Variants in PTPN5 observed in about 807,000 individuals in gnomAD.
PTPN5 encodes the protein protein tyrosine phosphatase non-receptor type 5.
A neutral mutation model predicts 73.9 loss-of-function variants in PTPN5; 29 were observed. That is an observed-to-expected ratio of 0.39 (90% CI 0.29 to 0.54). The LOEUF is 0.54. PTPN5 is among the 20% of genes least tolerant of loss of function. The probability of loss-of-function intolerance (pLI) is 0.65; values close to 1 mark genes in which losing one functional copy is unlikely to be tolerated. For synonymous variants in PTPN5, 267 were observed against 304.7 expected (o/e 0.88, Z 1.29); for missense variants, 652 against 751.4 (o/e 0.87, Z 1.55).
At chr11:18,744,289 C>T in intron 3 of PTPN5, 90 bp from the exon 4 acceptor site, 1 of 1,189,824 alleles carries the variant, frequency 8.4e-7, no homozygotes, top group Non-Finnish European at 1.1e-6. Context: ...GTGGCTGCCT[C>T]TCAATCTGGG....
intron 1 of PTPN5, among the ~76,000 whole-genome samples, chr11:18,786,497 C>T (rs768981542): frequency 5.3e-5 from 8 of 152,188 alleles, no homozygotes; most frequent in Admixed American, 1.3e-4. Flanking sequence ...CCACCGCACC[C>T]GGCCTAGAAT....
At chr11:18,780,733 C>T (rs556816771) in intron 1 of PTPN5, among the ~76,000 whole-genome samples, 1 of 152,310 alleles carries the variant, frequency 6.6e-6, no homozygotes, top group African/African-American at 2.4e-5. Flanking sequence ...ATAACTTTGG[C>T]TTCTGTAAAC....
chr11:18,759,384 A>T (rs10832981), intron 3 of PTPN5, among the ~76,000 whole-genome samples: 109,734 of 152,022 alleles, frequency 0.72, 40,447 homozygotes, highest in East Asian at 0.94. Context: ...ATAATTTACC[A>T]CAGGTCATGC....
At chr11:18,743,190 C>A (rs1475429754) in intron 5 of PTPN5, 115 bp from the exon 6 acceptor site, 1 of 1,204,832 alleles carries the variant, frequency 8.3e-7, no homozygotes, top group Non-Finnish European at 1.2e-6. Flanking sequence ...GGATGGGGAG[C>A]AGGCAGAAGA....
chr11:18,771,989 A>G lies in PTPN5; in HGVS notation c.-31T>C. On this transcript the variant is annotated 5_prime_UTR_variant, in exon 2 of 15. The change abolishes an upstream ATG in the 5' untranslated region. Transcript: ENST00000358540. ...AGGTGTCTGGATGGGGAAGGGTGCCATCTTCCAGGGCAGGAAGCTTTCTCA... is the reference window on the plus strand; with the variant it reads ...AGGTGTCTGGATGGGGAAGGGTGCCGTCTTCCAGGGCAGGAAGCTTTCTCA... 1.9e-6 allele frequency: 3 copies of G among 1,548,134 alleles called. No homozygotes were observed. Among genetic ancestry groups the G allele is most frequent in the Non-Finnish European group, 2.6e-6 (3 of 1,153,022 alleles).
chr11:18,788,413 C>G (rs1179806639), intron 1 of PTPN5, among the ~76,000 whole-genome samples: 1 of 152,166 alleles, frequency 6.6e-6, no homozygotes, highest in South Asian at 2.1e-4. Context: ...CATCCCCTTA[C>G]CCAACCTTCC....
chr11:18,776,546 C>A (rs1292453184), intron 1 of PTPN5, among the ~76,000 whole-genome samples: 1 of 152,064 alleles, frequency 6.6e-6, no homozygotes, highest in Non-Finnish European at 1.5e-5. Context: ...TGCTGGATGT[C>A]GTGCCAAGCA....
At chr11:18,761,467 G>GT (rs747180857) in intron 3 of PTPN5, among the ~76,000 whole-genome samples, 11 of 152,284 alleles carry the variant, frequency 7.2e-5, no homozygotes, top group Non-Finnish European at 1.0e-4. Flanking sequence ...AAGTGTTTGG[G>GT]TGACTGTGAG....
At position 18,742,231 on chromosome 11, in the gene PTPN5, G is replaced by A. The variant is rs561077338; in HGVS notation, c.725+31C>T. 614 of 1,612,396 alleles carry A rather than the reference G, an allele frequency of 3.8e-4. 9 individuals are homozygous for A. In the South Asian group the frequency reaches 6.3e-3, roughly 16 times the overall value. The stretch of plus-strand genomic sequence containing the variant: ...TCAGGAGCTAAGAGCTCAAGGGCCC[G>A]TGGAGCCCACCCCTCCTCCACCCCT... On this transcript the variant is annotated intron_variant, in intron 7 of 14. Transcript: ENST00000358540. The surrounding 1 kb of genome is among the most constrained non-coding windows in gnomAD (Gnocchi z 4.1).
chr11:18,783,776 C>T (rs530423531), intron 1 of PTPN5, among the ~76,000 whole-genome samples: 5 of 152,302 alleles, frequency 3.3e-5, no homozygotes, highest in Non-Finnish European at 7.3e-5. Flanking sequence ...TCCTTGTGGT[C>T]GTGTTGATTG....
rs192169803 is a variant in PTPN5 at position 18,757,126 on chromosome 11, C to T, written c.97+8681G>A. The stretch of plus-strand genomic sequence containing the variant: ...CATTCACATCCAGGGCTTCTGAATC[C>T]GACAATAAGAAACCATAAAAAAATG... On this transcript the variant is annotated intron_variant, in intron 3 of 14. Coordinates refer to ENST00000358540, the MANE Select transcript of PTPN5 (RefSeq NM_006906.2). 2.6e-5 allele frequency among the ~76,000 whole-genome samples: 4 copies of T among 152,076 alleles called. No homozygotes were observed. In the South Asian group the frequency reaches 6.2e-4, roughly 24 times the overall value.
intron 8 of PTPN5, among the ~76,000 whole-genome samples, chr11:18,739,743 C>T (rs1849280675): frequency 6.6e-6 from 1 of 152,224 alleles, no homozygotes; most frequent in South Asian, 2.1e-4. Flanking sequence ...GGCCTCTTGC[C>T]TTTTCCTGCT....
intron 3 of PTPN5, among the ~76,000 whole-genome samples, chr11:18,760,135 C>G (rs932048866): frequency 6.6e-6 from 1 of 152,162 alleles, no homozygotes; most frequent in Non-Finnish European, 1.5e-5. Context: ...TTGCTTGTCA[C>G]TGTATCACCA....
intron 9 of PTPN5, 82 bp downstream of exon 9, chr11:18,737,798 A>G: frequency 8.0e-7 from 1 of 1,247,332 alleles, no homozygotes; most frequent in South Asian, 1.2e-5. Context: ...CTAGAGGCCC[A>G]GCTGAGGGTC....
intron 3 of PTPN5, among the ~76,000 whole-genome samples, chr11:18,746,162 A>ATATATATAT (rs1849612886): frequency 5.9e-5 from 4 of 67,636 alleles, no homozygotes; most frequent in African/African-American, 8.8e-5. Flanking sequence ...TATAAATATA[A>ATATATATAT]ATATATATAT....
intron 1 of PTPN5, among the ~76,000 whole-genome samples, chr11:18,773,011 G>A (rs1331514785): frequency 6.6e-6 from 1 of 151,950 alleles, no homozygotes; most frequent in Non-Finnish European, 1.5e-5. Flanking sequence ...GAGACAGGAG[G>A]GGGTGGGGTG....
intron 2 of PTPN5, among the ~76,000 whole-genome samples, chr11:18,768,017 C>G (rs1850713849): frequency 6.6e-6 from 1 of 152,254 alleles, no homozygotes; most frequent in Non-Finnish European, 1.5e-5. Context: ...CATCATTAGA[C>G]TGTGGCTTTC....
chr11:18,733,417 C>T lies in PTPN5; in HGVS notation c.1081-45G>A, dbSNP rs1848981051. 1 of 1,610,008 alleles carries T rather than the reference C, an allele frequency of 6.2e-7. No individual in the cohort carries two copies. Among genetic ancestry groups the T allele is most frequent in the Non-Finnish European group, 8.5e-7 (1 of 1,177,078 alleles). ...GGCTGTCAGGGTCAGAGGCAGTGCT[C>T]CCAGGACCCCATCCCCACACTCAGG... is the stretch of plus-strand genomic sequence containing the variant. On this transcript the variant is annotated intron_variant, in intron 10 of 14. Coordinates refer to ENST00000358540, the MANE Select transcript of PTPN5 (RefSeq NM_006906.2). The surrounding 1 kb of genome is among the most constrained non-coding windows in gnomAD (Gnocchi z 4.3).
intron 1 of PTPN5, among the ~76,000 whole-genome samples, chr11:18,780,535 C>A (rs965573868): frequency 9.9e-5 from 15 of 152,158 alleles, no homozygotes; most frequent in African/African-American, 3.6e-4. Context: ...TGCTCCTCCT[C>A]TTTGTGCTGT....
Sources: allele counts gnomAD v4.1 joint callset (sites outside exome capture counted in the v4.1 genomes callset), GRCh38; gene constraint gnomAD v4.1.1; non-coding constraint Gnocchi (gnomAD v3.1); transcripts MANE v1.5; gene names NCBI Gene and HGNC (gene_info 2026-07-23, HGNC 2026-07-21).